RBFOX1: variants seen among roughly 807,000 people sequenced by gnomAD.
RBFOX1 encodes the protein RNA binding protein fox-1 homolog 1.
A neutral mutation model predicts 57.7 loss-of-function variants in RBFOX1; 8 were observed. The observed-to-expected ratio is 0.14, with a 90% confidence interval of 0.08 to 0.25. RBFOX1 has a LOEUF of 0.25. Ranked by LOEUF, RBFOX1 falls within the 10% of genes least tolerant of loss-of-function variation. RBFOX1 has a pLI of 1.00. For synonymous variants in RBFOX1, 326 were observed against 222.4 expected, an observed-to-expected ratio of 1.47 and a Z score of -4.15; for missense variants, 611 against 548.5, an observed-to-expected ratio of 1.11 and a Z score of -1.14.
At chr16:6,672,351 AGAGT>A (rs1003397309) in intron 3 of RBFOX1, among the ~76,000 whole-genome samples, 4 of 151,448 alleles carry the variant, frequency 2.6e-5, no homozygotes, top group Non-Finnish European at 5.9e-5. Context: ...GGGAGGGAGG[AGAGT>A]GAGAGAGAGA....
At chr16:6,215,067 C>G (rs1217973817) in intron 1 of RBFOX1, among the ~76,000 whole-genome samples, 4 of 66,850 alleles carry the variant, frequency 6.0e-5, no homozygotes, top group African/African-American at 1.2e-4. Flanking sequence ...GGGAGAGGGA[C>G]GGGGAGATGG....
At chr16:6,667,384 C>G (rs540775040) in intron 3 of RBFOX1, among the ~76,000 whole-genome samples, 4 of 152,230 alleles carry the variant, frequency 2.6e-5, no homozygotes, top group African/African-American at 9.6e-5. Context: ...AATCGTGTGG[C>G]TAAGAGCTTC....
chr16:6,650,753 G>C (rs999182050), intron 2 of RBFOX1, among the ~76,000 whole-genome samples: 5 of 152,122 alleles, frequency 3.3e-5, no homozygotes, highest in African/African-American at 1.2e-4. Flanking sequence ...AGAATTTGCT[G>C]TGTTTACTAA....
At chr16:5,332,593 T>G (rs1337756558) in intron 1 of RBFOX1, among the ~76,000 whole-genome samples, 1 of 150,972 alleles carries the variant, frequency 6.6e-6, no homozygotes, top group African/African-American at 2.5e-5. Context: ...AGAAAACCTT[T>G]TAAGATTCAA....
intron 2 of RBFOX1, among the ~76,000 whole-genome samples, chr16:6,414,409 C>T (rs537725293): frequency 2.0e-5 from 3 of 152,294 alleles, no homozygotes; most frequent in Non-Finnish European, 2.9e-5. Flanking sequence ...GTCTACTCTG[C>T]CCCAGGTGTG....
intron 2 of RBFOX1, among the ~76,000 whole-genome samples, chr16:5,575,850 C>CA (rs55753003): frequency 0.5 from 74,676 of 150,308 alleles, 19,251 homozygotes; most frequent in African/African-American, 0.66. Flanking sequence ...TTCTCTCATT[C>CA]AAAAAAAAAA....
intron 3 of RBFOX1, among the ~76,000 whole-genome samples, chr16:6,962,541 C>T (rs2083245303): frequency 2.0e-5 from 3 of 151,522 alleles, no homozygotes; most frequent in African/African-American, 4.9e-5. Context: ...AGGTCAAAAG[C>T]ACCTTAAAGT....
intron 2 of RBFOX1, among the ~76,000 whole-genome samples, chr16:6,494,792 C>T (rs534764167): frequency 3.7e-4 from 56 of 152,148 alleles, no homozygotes; most frequent in Non-Finnish European, 6.6e-4. Flanking sequence ...CAAACTGATA[C>T]AAGGAAAAAA....
intron 2 of RBFOX1, among the ~76,000 whole-genome samples, chr16:6,501,448 T>C (rs993054951): frequency 2.6e-5 from 4 of 152,038 alleles, no homozygotes; most frequent in African/African-American, 9.6e-5. Context: ...GCTTCGTCCA[T>C]GTCCCTACAA....
chr16:5,552,929 A>G (rs1303360656), intron 2 of RBFOX1, among the ~76,000 whole-genome samples: 1 of 152,142 alleles, frequency 6.6e-6, no homozygotes, highest in African/African-American at 2.4e-5. Flanking sequence ...TCAAAAGGCA[A>G]GGTGTATGGA....
intron 4 of RBFOX1, among the ~76,000 whole-genome samples, chr16:7,234,677 T>TTATA (rs768048668): frequency 3.3e-5 from 3 of 89,970 alleles, no homozygotes; most frequent in African/African-American, 1.9e-4. Context: ...TATACATATT[T>TTATA]TATATATATA....
At chr16:7,701,375 C>G (rs1023068469) in intron 14 of RBFOX1, among the ~76,000 whole-genome samples, 5 of 152,194 alleles carry the variant, frequency 3.3e-5, no homozygotes, top group East Asian at 3.9e-4. Flanking sequence ...CTGAGCTCCA[C>G]CTCCTGTCTG....
chr16:7,351,767 T>C (rs2097134016), intron 4 of RBFOX1, among the ~76,000 whole-genome samples: 1 of 152,198 alleles, frequency 6.6e-6, no homozygotes, highest in Non-Finnish European at 1.5e-5. Flanking sequence ...GTACAAGGAA[T>C]GTGCTTTTCC....
At chr16:6,417,299 C>T (rs2093650179) in intron 2 of RBFOX1, among the ~76,000 whole-genome samples, 1 of 152,040 alleles carries the variant, frequency 6.6e-6, no homozygotes, top group Non-Finnish European at 1.5e-5. Flanking sequence ...CGTGAGCCAC[C>T]ATGCCCGGCT....
intron 3 of RBFOX1, among the ~76,000 whole-genome samples, chr16:6,927,267 G>C (rs1031397106): frequency 6.6e-6 from 1 of 151,458 alleles, no homozygotes; most frequent in Non-Finnish European, 1.5e-5. Context: ...AGAGAAATTT[G>C]CCAGGTGTGG....
At chr16:7,708,401 T>C (rs980498759) in intron 14 of RBFOX1, among the ~76,000 whole-genome samples, 2 of 152,160 alleles carry the variant, frequency 1.3e-5, no homozygotes, top group African/African-American at 4.8e-5. Context: ...GTCATTAAGA[T>C]TTGTTGTTTC....
chr16:7,426,844 A>C (rs1191027033), intron 4 of RBFOX1, among the ~76,000 whole-genome samples: 1 of 152,178 alleles, frequency 6.6e-6, no homozygotes, highest in Non-Finnish European at 1.5e-5. Flanking sequence ...GTCCTTGGTT[A>C]TCATACATGA....
chr16:7,083,885 G>T (rs1383725461), intron 4 of RBFOX1, among the ~76,000 whole-genome samples: 2 of 152,096 alleles, frequency 1.3e-5, no homozygotes, highest in African/African-American at 4.8e-5. Flanking sequence ...TGGTGACTCT[G>T]TGGTGAAGCT....
At chr16:6,071,957 G>A (rs570503145) in intron 1 of RBFOX1, among the ~76,000 whole-genome samples, 3 of 152,164 alleles carry the variant, frequency 2.0e-5, no homozygotes, top group South Asian at 2.1e-4. Flanking sequence ...ATGTATACAC[G>A]ACATTTTCTT....
Sources: allele counts gnomAD v4.1 joint callset (sites outside exome capture counted in the v4.1 genomes callset), GRCh38; gene constraint gnomAD v4.1.1; transcripts MANE v1.5; gene names NCBI Gene and HGNC (gene_info 2026-07-23, HGNC 2026-07-21).